Variants in TMEM14A observed in about 807,000 individuals in gnomAD.
The protein encoded by TMEM14A is transmembrane protein 14A.
In TMEM14A, 8 loss-of-function variants were observed where a neutral mutation model predicts 11.6. The observed-to-expected ratio is 0.69, with a 90% CI of 0.40 to 1.24. TMEM14A has a LOEUF of 1.24. TMEM14A is among the 50% of genes most tolerant of loss of function. The probability of loss-of-function intolerance (pLI) is 0.01; values close to 1 mark genes in which losing one functional copy is unlikely to be tolerated. For missense variants in TMEM14A, 108 were observed against 121.9 expected, an observed-to-expected ratio of 0.89 and a Z score of 0.54; for synonymous variants, 34 against 45.5, an observed-to-expected ratio of 0.75 and a Z score of 1.02.
At chr6:52,680,587 A>G (rs866246262) in intron 2 of TMEM14A, among the ~76,000 whole-genome samples, 1 of 92,622 alleles carries the variant, frequency 1.1e-5, no homozygotes, top group Non-Finnish European at 2.3e-5. Context: ...CTATATATTT[A>G]TATATTTATA....
intron 1 of TMEM14A, among the ~76,000 whole-genome samples, chr6:52,676,569 A>G (rs149148282): frequency 1.6e-4 from 24 of 152,256 alleles, no homozygotes; most frequent in Non-Finnish European, 2.5e-4. Context: ...CCCTTTCTTT[A>G]GTAGACTAGA....
intron 2 of TMEM14A, among the ~76,000 whole-genome samples, chr6:52,680,651 G>A (rs1233768344): frequency 0.029 from 294 of 10,006 alleles, 3 homozygotes; most frequent in South Asian, 0.054. Context: ...GTATATATAT[G>A]TGTGTGTATA....
chr6:52,673,530 C>T (rs1769201314), intron 1 of TMEM14A, among the ~76,000 whole-genome samples: 1 of 152,156 alleles, frequency 6.6e-6, no homozygotes, highest in South Asian at 2.1e-4. Flanking sequence ...CTGTTGCCTT[C>T]CTTATTGAGG....
rs139145268 is a variant in TMEM14A, at chr6:52,675,780, C to A, written c.-16-1307C>A. On this transcript the variant is annotated intron_variant, in intron 1 of 4. Transcript: ENST00000211314. ...AATTAGTCAATCTCCAAGAAGACAT[C>A]CATCTGTAAAGAATGAGAGGACTAA... Among the ~76,000 whole-genome samples, 367 of 152,246 alleles carry A rather than the reference C, an allele frequency of 2.4e-3. 2 individuals are homozygous for A. Among genetic ancestry groups the A allele is most frequent in the African/African-American group, 8.5e-3 (355 of 41,532 alleles).
At chr6:52,678,329 T>TGTGTGTGTGTGTG (rs1769301533) in intron 2 of TMEM14A, among the ~76,000 whole-genome samples, 2 of 30,086 alleles carry the variant, frequency 6.6e-5, no homozygotes, top group African/African-American at 1.8e-4. Context: ...ATGTGTGTGT[T>TGTGTGTGTGTGTG]TGTGTGTGTG....
At chr6:52,680,691 G>GTGTGTATATATATATATATATA (rs758417981) in intron 2 of TMEM14A, among the ~76,000 whole-genome samples, 1 of 35,338 alleles carries the variant, frequency 2.8e-5, no homozygotes, top group Non-Finnish European at 6.8e-5. Context: ...ATACATATAT[G>GTGTGTATATATATATATATATA]TATATATATA....
chr6:52,675,621 G>A (rs1769242403), intron 1 of TMEM14A, among the ~76,000 whole-genome samples: 1 of 152,226 alleles, frequency 6.6e-6, no homozygotes, highest in African/African-American at 2.4e-5. Flanking sequence ...GGATGTCATT[G>A]TCATCCATTT....
chr6:52,683,488 A>C (rs199807658), intron 3 of TMEM14A, among the ~76,000 whole-genome samples: 49,480 of 147,272 alleles, frequency 0.34, 8,698 homozygotes, highest in Middle Eastern at 0.45. Flanking sequence ...AACAACAAAA[A>C]AAAAAAAAAG....
At position 52,680,684 on chromosome 6, in the gene TMEM14A, CATATATGTATATATATAT is replaced by C. The variant is rs1467230631; in HGVS notation, c.71-1125_71-1108del. Among the ~76,000 whole-genome samples the C allele has an allele frequency of 1.2e-3, 48 of 38,686 alleles. 5 individuals carry two copies. Among genetic ancestry groups the C allele is most frequent in the South Asian group, 2.1e-3 (2 of 938 alleles). The allele number at this position is 38,686 out of a possible 152,430, so 25.4% of individuals were successfully genotyped here. ...ATATATATGTGTATATATATATATACATATATGTATATATATATATACACATATATATATGGCATGGAT... is the reference window on the plus strand; with the variant it reads ...ATATATATGTGTATATATATATATACATACACATATATATATGGCATGGAT... On this transcript the variant is annotated intron_variant, in intron 2 of 4. Transcript: ENST00000211314.
chr6:52,680,155 C>T (rs1332995625), intron 2 of TMEM14A, among the ~76,000 whole-genome samples: 5 of 152,016 alleles, frequency 3.3e-5, no homozygotes, highest in South Asian at 4.2e-4. Flanking sequence ...GGCAGACTGA[C>T]ATTCAATCCA....
intron 2 of TMEM14A, among the ~76,000 whole-genome samples, chr6:52,680,515 A>G (rs930134222): frequency 6.8e-5 from 10 of 147,740 alleles, no homozygotes; most frequent in African/African-American, 2.5e-4. Flanking sequence ...TGTTTGAAGA[A>G]TAGCTTTTGG....
intron 3 of TMEM14A, 82 bp from the exon 4 acceptor site, chr6:52,683,996 G>A: frequency 7.7e-7 from 1 of 1,298,502 alleles, no homozygotes; most frequent in Non-Finnish European, 1.1e-6. Flanking sequence ...ATGTTAGAAA[G>A]CTTTAAATGG....
At chr6:52,680,669 G>GTGTGTGTATATATATA in intron 2 of TMEM14A, among the ~76,000 whole-genome samples, 1 of 35,968 alleles carries the variant, frequency 2.8e-5, no homozygotes, top group Non-Finnish European at 6.1e-5. Context: ...ATATATATGT[G>GTGTGTGTATATATATA]TATATATATA....
chr6:52,677,867 G>A (rs1041122679), intron 2 of TMEM14A, among the ~76,000 whole-genome samples: 1 of 152,106 alleles, frequency 6.6e-6, no homozygotes, highest in African/African-American at 2.4e-5. Context: ...GAGTGAAAAA[G>A]CCAGGTCTAC....
At chr6:52,674,928 G>A (rs1769228339) in intron 1 of TMEM14A, among the ~76,000 whole-genome samples, 1 of 149,030 alleles carries the variant, frequency 6.7e-6, no homozygotes. Context: ...CCAGGCTGGA[G>A]TGCAGTGGCA....
intron 3 of TMEM14A, 61 bp downstream of exon 3, chr6:52,681,975 C>T (rs1390022987): frequency 7.1e-7 from 1 of 1,402,228 alleles, no homozygotes; most frequent in Non-Finnish European, 1.0e-6. Flanking sequence ...CTTTTTGATA[C>T]CCTATGCTAG....
Position 52,678,319 on chromosome 6 carries a change from ATGTG to A in TMEM14A, c.70+1153_70+1156del, listed in dbSNP as rs763841010. Among the ~76,000 whole-genome samples, 40 of 133,794 alleles carry A rather than the reference ATGTG, an allele frequency of 3.0e-4. 1 individual carries two copies. In the East Asian group the frequency reaches 8.8e-3, roughly 29 times the overall value. 87.8% of individuals were successfully genotyped at this position (133,794 alleles called of 152,430 possible). A position where few individuals can be genotyped will look rare whatever the true frequency, so the allele number is the denominator to read the frequency against. On this transcript the variant is annotated intron_variant, in intron 2 of 4. Transcript: ENST00000211314. ...GGAGAGAGATATAGAGAGTGTGTGT[ATGTG>A]TGTGTTTGTGTGTGTGTGTGTGTGT...
rs1381930419 is a variant in TMEM14A at position 52,684,130 on chromosome 6, G to T, written c.225G>T (p.Lys75Asn). 6.2e-7 allele frequency: 1 copy of T among 1,613,862 alleles called. No homozygotes were observed. Among genetic ancestry groups the T allele is most frequent in the Non-Finnish European group, 8.5e-7 (1 of 1,179,880 alleles). ...TGGGTGTGAGATTTAAGAGGTCCAA[G>T]AAAATAATGCCTGCTGGTTTGGTTG... ...TIMGVRFKRS[K>N]KIMPAGLVAG... Residue 75 changes from lysine to asparagine, a missense_variant, in exon 4 of 5, where the codon AAG (lysine) becomes AAT (asparagine). Transcript: ENST00000211314.
chr6:52,678,228 A>G (rs970136083), intron 2 of TMEM14A, among the ~76,000 whole-genome samples: 3 of 152,158 alleles, frequency 2.0e-5, no homozygotes, highest in Non-Finnish European at 2.9e-5. Flanking sequence ...AATAACTTCT[A>G]TTACAGAACA....
Sources: gnomAD v4.1 joint callset for allele counts (sites outside exome capture counted in the v4.1 genomes callset) on GRCh38, gnomAD v4.1.1 for gene constraint, MANE v1.5 for transcripts, NCBI Gene and HGNC (gene_info 2026-07-23, HGNC 2026-07-21) for gene names.